The following GMPS variants were observed in gnomAD, a reference collection of about 807,000 sequenced individuals.
The protein encoded by GMPS is GMP synthase [glutamine-hydrolyzing].
In GMPS, 15 loss-of-function variants were observed where a neutral mutation model predicts 77.9. The observed-to-expected ratio is 0.19, with a 90% CI of 0.13 to 0.30. The LOEUF is 0.30. GMPS is among the 10% of genes least tolerant of loss of function. The pLI, the probability that GMPS is intolerant of heterozygous loss-of-function variation, is 1.00. For synonymous variants in GMPS, 224 were observed against 275.9 expected (o/e 0.81, Z 1.86); for missense variants, 590 against 838.8 (o/e 0.70, Z 3.66).
chr3:155,926,906 C>T lies in GMPS; in HGVS notation c.1560+1540C>T, dbSNP rs184790364. Reference sequence around the variant, plus strand: ...GTGCATGCCTGTAATCCCAGCTAGTCGGGAGGCTGAGGCAGGAGAATTGCT... The same window carrying T: ...GTGCATGCCTGTAATCCCAGCTAGTTGGGAGGCTGAGGCAGGAGAATTGCT... On this transcript the variant is annotated intron_variant, in intron 12 of 15. Coordinates refer to ENST00000496455, the MANE Select transcript of GMPS (RefSeq NM_003875.3). Among the ~76,000 whole-genome samples, 398 of 151,532 alleles carry T rather than the reference C, an allele frequency of 2.6e-3. 4 individuals carry two copies. Among genetic ancestry groups the T allele is most frequent in the African/African-American group, 9.1e-3 (375 of 41,286 alleles).
chr3:155,932,027 A>G (rs578260972), intron 13 of GMPS, 147 bp downstream of exon 13: 9 of 446,922 alleles, frequency 2.0e-5, no homozygotes, highest in South Asian at 1.5e-4. Context: ...TTGTAATTCA[A>G]ATATGCACAT....
chr3:155,901,085 C>G (rs925474648), intron 3 of GMPS, among the ~76,000 whole-genome samples: 1 of 152,118 alleles, frequency 6.6e-6, no homozygotes. Context: ...ATCCCCCAGC[C>G]TAAAAAATAG....
Position 155,870,837 on chromosome 3 carries a change from C to A in GMPS, c.-34C>A, listed in dbSNP as rs1753886288. 6 of 1,435,046 alleles carry A rather than the reference C, an allele frequency of 4.2e-6. No individual in the cohort carries two copies. The highest frequency in any genetic ancestry group is 5.6e-6 in the Non-Finnish European group (6 of 1,068,702). 88.9% of individuals were successfully genotyped at this position (1,435,046 alleles called of 1,614,324 possible). The stretch of plus-strand genomic sequence containing the variant: ...ACCCTCCCGCCCCGTCTCGTACTGT[C>A]GCCGTCACCGCCGCGGCTCCGGCCC... On this transcript the variant is annotated 5_prime_UTR_variant, in exon 1 of 16. Coordinates refer to ENST00000496455, the MANE Select transcript of GMPS (RefSeq NM_003875.3).
intron 1 of GMPS, among the ~76,000 whole-genome samples, chr3:155,892,532 T>C (rs1023383900): frequency 6.6e-6 from 1 of 152,260 alleles, no homozygotes; most frequent in Non-Finnish European, 1.5e-5. Context: ...GTAAGTATTT[T>C]GGTATATTTC....
chr3:155,901,814 T>C (rs1290221460), intron 3 of GMPS, among the ~76,000 whole-genome samples: 1 of 152,184 alleles, frequency 6.6e-6, no homozygotes, highest in Admixed American at 6.5e-5. Flanking sequence ...GTCTTTGTTA[T>C]TGTGTTGTGG....
At chr3:155,913,602 A>G (rs1005501197) in intron 7 of GMPS, among the ~76,000 whole-genome samples, 4 of 151,668 alleles carry the variant, frequency 2.6e-5, no homozygotes, top group African/African-American at 7.3e-5. Flanking sequence ...GCTCACTGCA[A>G]CCTCTGCCTC....
Position 155,937,903 on chromosome 3 carries a change from G to A in GMPS, c.*211G>A. ...ACGGGTAAATAATCAAAGCACCATT[G>A]CCTACACTCAGACAGATTGATACTG... is the stretch of plus-strand genomic sequence containing the variant. On this transcript the variant is annotated 3_prime_UTR_variant, in exon 16 of 16. Transcript: ENST00000496455. 2.0e-6 allele frequency: 1 copy of A among 494,216 alleles called. No homozygotes were observed. The highest frequency in any genetic ancestry group is 3.6e-6 in the Non-Finnish European group (1 of 280,626). The allele number at this position is 494,216 out of a possible 1,614,324, so 30.6% of individuals were successfully genotyped here.
intron 8 of GMPS, among the ~76,000 whole-genome samples, chr3:155,915,318 A>G (rs1187761860): frequency 6.7e-6 from 1 of 150,170 alleles, no homozygotes; most frequent in Non-Finnish European, 1.5e-5. Context: ...GCTCACGGCA[A>G]CTTTCACCTG....
intron 1 of GMPS, among the ~76,000 whole-genome samples, chr3:155,877,254 A>G (rs1754073076): frequency 6.6e-6 from 1 of 152,218 alleles, no homozygotes; most frequent in Non-Finnish European, 1.5e-5. Context: ...TGGTAGCAGT[A>G]GAACTTCATT....
intron 6 of GMPS, 52 bp downstream of exon 6, chr3:155,910,937 A>T: frequency 2.3e-6 from 3 of 1,320,310 alleles, no homozygotes; most frequent in Non-Finnish European, 3.2e-6. Context: ...TAATATTGGA[A>T]TCCAGGAGTT....
chr3:155,921,983 A>G (rs1387283255), intron 10 of GMPS, among the ~76,000 whole-genome samples: 7 of 152,174 alleles, frequency 4.6e-5, no homozygotes, highest in Non-Finnish European at 8.8e-5. Context: ...TCTAAATGTT[A>G]CAACATTTTT....
intron 3 of GMPS, among the ~76,000 whole-genome samples, chr3:155,901,222 G>C (rs1185277132): frequency 6.6e-6 from 1 of 151,812 alleles, no homozygotes; most frequent in African/African-American, 2.4e-5. Flanking sequence ...TTATGCATAT[G>C]TTTATATTCC....
intron 8 of GMPS, among the ~76,000 whole-genome samples, chr3:155,915,279 T>A (rs1018751637): frequency 5.4e-5 from 8 of 147,052 alleles, no homozygotes; most frequent in African/African-American, 2.0e-4. Context: ...TTCTTGTCAC[T>A]CAGGCTGGAG....
intron 13 of GMPS, among the ~76,000 whole-genome samples, chr3:155,932,375 T>C (rs182456641): frequency 6.6e-6 from 1 of 151,624 alleles, no homozygotes; most frequent in African/African-American, 2.4e-5. Flanking sequence ...AATTTAGTAG[T>C]AACCCCAAGG....
chr3:155,893,368 T>C, intron 1 of GMPS, 150 bp from the exon 2 acceptor site: 1 of 575,204 alleles, frequency 1.7e-6, no homozygotes, highest in Non-Finnish European at 3.1e-6. Context: ...ATCTTCCCTT[T>C]AAAAGGGGTA....
chr3:155,895,750 T>A (rs1245678871), intron 2 of GMPS, among the ~76,000 whole-genome samples: 2 of 152,236 alleles, frequency 1.3e-5, no homozygotes, highest in Non-Finnish European at 2.9e-5. Context: ...GATTAGCTTT[T>A]AAAGATTTGT....
At chr3:155,893,427 T>C (rs1179479011) in intron 1 of GMPS, 91 bp from the exon 2 acceptor site, 1 of 791,368 alleles carries the variant, frequency 1.3e-6, no homozygotes, top group Middle Eastern at 2.8e-4. Context: ...CCTATGTGTT[T>C]TTGGAGCTGA....
intron 1 of GMPS, among the ~76,000 whole-genome samples, chr3:155,876,267 C>T (rs937475997): frequency 2.6e-5 from 4 of 152,090 alleles, no homozygotes; most frequent in South Asian, 2.1e-4. Context: ...ACTGAGTAGC[C>T]GGCAGGAATA....
rs781498626 is a variant in GMPS, at chr3:155,908,124, AC to A, written c.526+1862del. Among the ~76,000 whole-genome samples the A allele has an allele frequency of 8.5e-4, 130 of 152,366 alleles. 1 individual carries two copies. Among genetic ancestry groups the A allele is most frequent in the Non-Finnish European group, 1.0e-3 (71 of 68,038 alleles). ...TACAGGGTGAAAGAGAAGCAAGAAG[AC>A]AAGCTAGGAATTTATTGTAGTAATC... On this transcript the variant is annotated intron_variant, in intron 5 of 15. Transcript: ENST00000496455.
Sources: gnomAD v4.1 joint callset for allele counts (sites outside exome capture counted in the v4.1 genomes callset) on GRCh38, gnomAD v4.1.1 for gene constraint, MANE v1.5 for transcripts, NCBI Gene and HGNC (gene_info 2026-07-23, HGNC 2026-07-21) for gene names.